SCIMP: variants seen among roughly 807,000 people sequenced by gnomAD.
SCIMP encodes SLP adapter and CSK-interacting membrane protein.
In SCIMP, 18 loss-of-function variants were observed where a neutral mutation model predicts 22.0. The ratio of observed to expected loss-of-function variants is 0.82; its 90% confidence interval spans 0.56 to 1.21. SCIMP has a LOEUF of 1.21. Among genes scored for constraint, SCIMP ranks in the 50% most tolerant of loss-of-function variants. The pLI is 0.00. For synonymous variants in SCIMP, 53 were observed against 62.2 expected (o/e 0.85, Z 0.70); for missense variants, 155 against 171.2 (o/e 0.91, Z 0.53).
Position 5,232,743 on chromosome 17 carries a change from C to G in SCIMP, c.21+1992G>C, listed in dbSNP as rs527574553. On this transcript the variant is annotated intron_variant, in intron 1 of 4. Transcript: ENST00000574081. ...TTTTTTTTTTTGAGATGGCGTCTTG[C>G]TCTGTCACCCAGGCTAGACTCCACT... Among the ~76,000 whole-genome samples the G allele has an allele frequency of 1.6e-3, 245 of 151,342 alleles. 1 individual carries two copies. The highest frequency in any genetic ancestry group is 4.6e-3 in the South Asian group (22 of 4,794).
At chr17:5,231,939 C>T in intron 1 of SCIMP, among the ~76,000 whole-genome samples, 1 of 152,158 alleles carries the variant, frequency 6.6e-6, no homozygotes, top group East Asian at 1.9e-4. Context: ...GCCTGTAGTC[C>T]CAGCTACTCG....
chr17:5,224,386 C>G (rs2074631880), intron 1 of SCIMP, among the ~76,000 whole-genome samples: 1 of 152,030 alleles, frequency 6.6e-6, no homozygotes, highest in Non-Finnish European at 1.5e-5. Context: ...ATCTGCCTGC[C>G]TCGGCCTCCC....
At chr17:5,230,483 G>A (rs1271873647) in intron 1 of SCIMP, among the ~76,000 whole-genome samples, 2 of 152,142 alleles carry the variant, frequency 1.3e-5, no homozygotes, top group Non-Finnish European at 2.9e-5. Context: ...TGGGAGGGAA[G>A]GTGATGAGAA....
intron 1 of SCIMP, among the ~76,000 whole-genome samples, chr17:5,229,487 C>G (rs989305057): frequency 6.7e-6 from 1 of 149,408 alleles, no homozygotes; most frequent in Non-Finnish European, 1.5e-5. Context: ...TCCATCTCCC[C>G]GGTTCAAGCA....
chr17:5,211,053 T>G, intron 4 of SCIMP, 98 bp from the exon 5 acceptor site: 1 of 1,493,646 alleles, frequency 6.7e-7, no homozygotes, highest in Non-Finnish European at 8.9e-7. Context: ...TCAGTGATCT[T>G]CCCACTTCTA....
intron 1 of SCIMP, among the ~76,000 whole-genome samples, chr17:5,232,382 ACAGTG>A (rs767955838): frequency 6.6e-6 from 1 of 152,056 alleles, no homozygotes; most frequent in East Asian, 1.9e-4. Flanking sequence ...TGCAGTATAA[ACAGTG>A]CAGTATAAAC....
In SCIMP at chr17:5,210,928, G is replaced by T. The variant is rs200826404; in HGVS notation, c.311C>A (p.Pro104His). 6.1e-5 allele frequency: 98 copies of T among 1,613,106 alleles called. 1 individual carries two copies. In the African/African-American group the frequency reaches 8.0e-4, roughly 13 times the overall value. The change falls in exon 5 of 5, where the codon CCC becomes CAC. Residue 104 changes from proline to histidine, a missense_variant. Physicochemically the swap from Pro to His is moderately conservative, Grantham distance 77. Coordinates refer to ENST00000574081, the MANE Select transcript of SCIMP (RefSeq NM_207103.3). ...TTTATTTACCAGTGAGTATGTAGCG[G>T]GCGGCTGACTTGGGGCTTCCTGTGG... is the stretch of plus-strand genomic sequence containing the variant. The part of the protein sequence containing the change: ...SSPQEAPSQP[P>H]ATYSLVNKVK...
chr17:5,230,004 A>T (rs1379104882), intron 1 of SCIMP, among the ~76,000 whole-genome samples: 1 of 151,536 alleles, frequency 6.6e-6, no homozygotes, highest in Non-Finnish European at 1.5e-5. Context: ...GTAGAGACAA[A>T]AAAATGTTGT....
intron 3 of SCIMP, among the ~76,000 whole-genome samples, chr17:5,215,558 G>A (rs1479080643): frequency 1.3e-5 from 2 of 152,156 alleles, no homozygotes; most frequent in Non-Finnish European, 2.9e-5. Flanking sequence ...AGGTTGCAGT[G>A]AGCCGAGATC....
chr17:5,228,524 A>C (rs1477916864), intron 1 of SCIMP, among the ~76,000 whole-genome samples: 1 of 151,934 alleles, frequency 6.6e-6, no homozygotes, highest in East Asian at 1.9e-4. Context: ...GCATGCCTAT[A>C]GTCCCAGCTA....
intron 1 of SCIMP, among the ~76,000 whole-genome samples, chr17:5,233,115 T>C (rs2074715691): frequency 6.6e-6 from 1 of 152,086 alleles, no homozygotes; most frequent in South Asian, 2.1e-4. Flanking sequence ...GCAGGGTCAT[T>C]AAAAGGAGTC....
In SCIMP at chr17:5,209,432, T is replaced by C. The variant is rs2074511482; in HGVS notation, c.*1369A>G. On this transcript the variant is annotated 3_prime_UTR_variant, in exon 5 of 5. Transcript: ENST00000574081. The stretch of plus-strand genomic sequence containing the variant: ...TAGCAAGGTGGAAGCCTTCATAGAG[T>C]CTGGAAAGAGAGAACCAGGGAGGAA... 6.6e-6 allele frequency: 1 copy of C among 152,044 alleles called. No homozygotes were observed. Among genetic ancestry groups the C allele is most frequent in the Non-Finnish European group, 1.5e-5 (1 of 68,020 alleles). The allele number at this position is 152,044 out of a possible 1,614,324, so 9.4% of individuals were successfully genotyped here. A position where few individuals can be genotyped will look rare whatever the true frequency, so the allele number is the denominator to read the frequency against.
At chr17:5,225,862 G>A (rs894294683) in intron 1 of SCIMP, among the ~76,000 whole-genome samples, 9 of 152,054 alleles carry the variant, frequency 5.9e-5, no homozygotes, top group African/African-American at 1.4e-4. Context: ...TGCGACTGAC[G>A]TCTGGGGAGT....
In SCIMP at chr17:5,234,799, T is replaced by C. The variant is rs985607252; in HGVS notation, c.-44A>G. The C allele has an allele frequency of 6.9e-6, 11 of 1,595,528 alleles. No individual in the cohort carries two copies. Among genetic ancestry groups the C allele is most frequent in the African/African-American group, 2.7e-5 (2 of 74,802 alleles). Reference sequence around the variant, plus strand: ...ACAGCAGTGGCTGGAGTGCTGCAGCTCAGGCACAGCTGGTGAGAGGCATTC... The same window carrying C: ...ACAGCAGTGGCTGGAGTGCTGCAGCCCAGGCACAGCTGGTGAGAGGCATTC... On this transcript the variant is annotated 5_prime_UTR_variant, in exon 1 of 5. An upstream open reading frame in the 5' UTR loses its in-frame stop. Coordinates refer to ENST00000574081, the MANE Select transcript of SCIMP (RefSeq NM_207103.3).
At chr17:5,230,516 G>A (rs2074685500) in intron 1 of SCIMP, among the ~76,000 whole-genome samples, 2 of 152,180 alleles carry the variant, frequency 1.3e-5, no homozygotes, top group South Asian at 4.1e-4. Context: ...AGATGAAAAG[G>A]GAAGCCAGCA....
At chr17:5,213,976 G>A (rs1396511969) in intron 4 of SCIMP, 2 of 152,222 alleles carry the variant, frequency 1.3e-5, no homozygotes, top group East Asian at 3.9e-4. Flanking sequence ...TAGGGATGAG[G>A]CCTTGATCCA....
chr17:5,219,628 G>GTAAA (rs988289293), intron 3 of SCIMP, among the ~76,000 whole-genome samples: 2 of 151,946 alleles, frequency 1.3e-5, no homozygotes, highest in African/African-American at 2.4e-5. Context: ...ACTCCATCTC[G>GTAAA]TAAATAAATA....
intron 1 of SCIMP, among the ~76,000 whole-genome samples, chr17:5,233,651 G>A (rs965792889): frequency 1.3e-5 from 2 of 152,122 alleles, no homozygotes; most frequent in African/African-American, 2.4e-5. Context: ...GATTAGAGGC[G>A]TGAGCCACCA....
chr17:5,234,711 C>G, intron 1 of SCIMP, 24 bp downstream of exon 1: 1 of 1,611,110 alleles, frequency 6.2e-7, no homozygotes, highest in South Asian at 1.1e-5. Flanking sequence ...AGGAAACTGT[C>G]CCTTGGAAAG....
Sources: gnomAD v4.1 joint callset for allele counts (sites outside exome capture counted in the v4.1 genomes callset) on GRCh38, gnomAD v4.1.1 for gene constraint, MANE v1.5 for transcripts, NCBI Gene and HGNC (gene_info 2026-07-23, HGNC 2026-07-21) for gene names.